Variants in MRPL3 observed in about 807,000 individuals in gnomAD.
MRPL3 encodes the protein large ribosomal subunit protein uL3m.
A neutral mutation model predicts 44.3 loss-of-function variants in MRPL3; 43 were observed. That is an observed-to-expected ratio of 0.97 (90% CI 0.76 to 1.25). The LOEUF (loss-of-function observed/expected upper bound fraction) is 1.25, where lower values mean the gene tolerates loss of function less well. Among genes scored for constraint, MRPL3 ranks in the 50% most tolerant of loss-of-function variants. MRPL3 has a pLI of 0.00. For synonymous variants in MRPL3, 171 were observed against 152.3 expected (o/e 1.12, Z -0.91); for missense variants, 406 against 427.6 (o/e 0.95, Z 0.45).
chr3:131,480,409 G>A (rs931437415), intron 6 of MRPL3, among the ~76,000 whole-genome samples: 2 of 152,202 alleles, frequency 1.3e-5, no homozygotes, highest in Non-Finnish European at 2.9e-5. Context: ...CAATATAGCT[G>A]TTAACTCTTT....
chr3:131,500,551 A>T (rs370632623), intron 2 of MRPL3, 30 bp from the exon 3 acceptor site: 2 of 1,578,888 alleles, frequency 1.3e-6, no homozygotes, highest in African/African-American at 2.7e-5. Context: ...CAATGTGAAC[A>T]AAAGCTTTTG....
chr3:131,469,211 T>A (rs2110695368), intron 8 of MRPL3, among the ~76,000 whole-genome samples: 2 of 151,548 alleles, frequency 1.3e-5, no homozygotes, highest in South Asian at 4.2e-4. Context: ...CCCACTCTCC[T>A]CCTTACACTT....
intron 7 of MRPL3, 32 bp downstream of exon 7, chr3:131,471,139 G>A: frequency 7.1e-7 from 1 of 1,405,844 alleles, no homozygotes; most frequent in Non-Finnish European, 1.0e-6. Flanking sequence ...TGAATATTTA[G>A]CATTAAAAAG....
intron 3 of MRPL3, among the ~76,000 whole-genome samples, chr3:131,498,559 G>A (rs990404439): frequency 6.6e-5 from 10 of 151,846 alleles, no homozygotes; most frequent in South Asian, 2.1e-4. Flanking sequence ...AAAATTAGCC[G>A]GGCATGCTGG....
At chr3:131,484,746 T>A (rs1934079531) in intron 6 of MRPL3, among the ~76,000 whole-genome samples, 1 of 152,060 alleles carries the variant, frequency 6.6e-6, no homozygotes. Flanking sequence ...GGACAACGAA[T>A]CCTATAAATT....
intron 9 of MRPL3, among the ~76,000 whole-genome samples, chr3:131,467,273 C>CA (rs1933633966): frequency 6.6e-6 from 1 of 151,852 alleles, no homozygotes; most frequent in African/African-American, 2.4e-5. Flanking sequence ...CACACACACA[C>CA]CCACCACATC....
rs138989176 is a variant in MRPL3, at chr3:131,495,691, T to C, written c.468+2488A>G. On this transcript the variant is annotated intron_variant, in intron 4 of 9. Coordinates refer to ENST00000264995, the MANE Select transcript of MRPL3 (RefSeq NM_007208.4). ...ATCATTCTGTAATATTAATTATTAG[T>C]ACTGTTATAGTAATACTATTAGTAT... Among the ~76,000 whole-genome samples, 73 of 152,316 alleles carry C rather than the reference T, an allele frequency of 4.8e-4. 1 individual carries two copies. In the East Asian group the frequency reaches 0.014, roughly 29 times the overall value.
intron 3 of MRPL3, among the ~76,000 whole-genome samples, chr3:131,499,901 T>A (rs1934456136): frequency 1.3e-5 from 2 of 152,210 alleles, no homozygotes; most frequent in African/African-American, 2.4e-5. Context: ...GAATAGAGTA[T>A]CTTTTACAGA....
chr3:131,492,493 A>G (rs1270748669), intron 4 of MRPL3, among the ~76,000 whole-genome samples: 1 of 152,122 alleles, frequency 6.6e-6, no homozygotes, highest in Non-Finnish European at 1.5e-5. Context: ...AGAGTCTCAT[A>G]AGGAGCATGC....
In MRPL3 at chr3:131,502,784, T is replaced by G; in HGVS notation, c.38A>C (p.Gln13Pro). Residue 13 changes from glutamine to proline, a missense_variant, in exon 1 of 10, where the codon CAG (glutamine) becomes CCG (proline). Coordinates refer to ENST00000264995, the MANE Select transcript of MRPL3 (RefSeq NM_007208.4). ...GWRLLTQVGA[Q>P]VLGRLGDGLG... ...GCCGTCCCCGAGTCGACCCAGCACC[T>G]GGGCGCCGACCTGCGTCAGCAGCCT... 6.2e-7 allele frequency: 1 copy of G among 1,612,604 alleles called. No homozygotes were observed. Among genetic ancestry groups the G allele is most frequent in the Non-Finnish European group, 8.5e-7 (1 of 1,179,474 alleles).
Position 131,498,371 on chromosome 3 carries a change from T to C in MRPL3, c.370-94A>G, listed in dbSNP as rs990828046. ...TTGAGACCTTAGGACAAATAGGAAT[T>C]CCCTACAGTTACTTACCTCATCTTT... On this transcript the variant is annotated intron_variant, in intron 3 of 9. Transcript: ENST00000264995. The C allele has an allele frequency of 1.3e-5, 9 of 689,858 alleles. No individual in the cohort carries two copies. In the African/African-American group the frequency reaches 1.6e-4, roughly 13 times the overall value. 42.7% of individuals were successfully genotyped at this position (689,858 alleles called of 1,614,324 possible).
At chr3:131,469,850 T>G (rs993661580) in intron 7 of MRPL3, 77 bp from the exon 8 acceptor site, 5 of 851,778 alleles carry the variant, frequency 5.9e-6, no homozygotes, top group Non-Finnish European at 9.2e-6. Flanking sequence ...CAATGTAAAC[T>G]AAAAATATAA....
At position 131,489,965 on chromosome 3, in the gene MRPL3, C is replaced by G. The variant is rs1417634985; in HGVS notation, c.568+16G>C. ...TGGGTATTTTTACCTCCCTCCTCTC[C>G]CCAACCTCAAATTACCTGGTTTAAT... On this transcript the variant is annotated intron_variant, in intron 5 of 9. Coordinates refer to ENST00000264995, the MANE Select transcript of MRPL3 (RefSeq NM_007208.4). The G allele has an allele frequency of 1.9e-6, 3 of 1,546,062 alleles. No homozygotes were observed. Among genetic ancestry groups the G allele is most frequent in the East Asian group, 4.5e-5 (2 of 44,480 alleles).
intron 6 of MRPL3, among the ~76,000 whole-genome samples, chr3:131,480,132 T>C (rs2096927148): frequency 6.6e-6 from 1 of 152,252 alleles, no homozygotes. Context: ...TGAACTAATA[T>C]GGCACAAACA....
At chr3:131,464,994 A>C (rs563301105) in intron 9 of MRPL3, among the ~76,000 whole-genome samples, 1 of 152,376 alleles carries the variant, frequency 6.6e-6, no homozygotes, top group East Asian at 1.9e-4. Context: ...ACCATTTAAA[A>C]CACAAACCTA....
At chr3:131,483,285 CTAGTT>C (rs571114644) in intron 6 of MRPL3, among the ~76,000 whole-genome samples, 32 of 152,198 alleles carry the variant, frequency 2.1e-4, no homozygotes, top group African/African-American at 6.5e-4. Context: ...ATGATACATG[CTAGTT>C]TAAAGATTTT....
chr3:131,469,034 T>C (rs1394934234), intron 8 of MRPL3, among the ~76,000 whole-genome samples: 1 of 152,120 alleles, frequency 6.6e-6, no homozygotes, highest in Non-Finnish European at 1.5e-5. Context: ...AGAAATATAA[T>C]TATACAGCAT....
At chr3:131,485,807 A>G (rs1376015967) in intron 6 of MRPL3, among the ~76,000 whole-genome samples, 2 of 152,224 alleles carry the variant, frequency 1.3e-5, no homozygotes, top group Non-Finnish European at 2.9e-5. Context: ...GGAAGAATGC[A>G]TCTTAACCAT....
At chr3:131,475,703 A>G (rs958720715) in intron 6 of MRPL3, among the ~76,000 whole-genome samples, 2 of 152,244 alleles carry the variant, frequency 1.3e-5, no homozygotes, top group African/African-American at 4.8e-5. Context: ...CACATATTAA[A>G]TAAAAACCCA....
Sources: allele counts gnomAD v4.1 joint callset (sites outside exome capture counted in the v4.1 genomes callset), GRCh38; gene constraint gnomAD v4.1.1; transcripts MANE v1.5; gene names NCBI Gene and HGNC (gene_info 2026-07-23, HGNC 2026-07-21).